The following ANKS1B variants were observed in gnomAD, a reference collection of about 807,000 sequenced individuals.
The protein encoded by ANKS1B is ankyrin repeat and sterile alpha motif domain containing 1B, also known as ankyrin repeat and sterile alpha motif domain-containing protein 1B.
In ANKS1B, 36 loss-of-function variants were observed where a neutral mutation model predicts 148.3. The observed-to-expected ratio is 0.24, with a 90% CI of 0.19 to 0.32. ANKS1B has a LOEUF of 0.32. Ranked by LOEUF, ANKS1B falls within the 10% of genes least tolerant of loss-of-function variation. ANKS1B has a pLI of 1.00. For synonymous variants in ANKS1B, 542 were observed against 560.8 expected (o/e 0.97, Z 0.47); for missense variants, 1,157 against 1,542.6 (o/e 0.75, Z 4.19).
At chr12:99,805,288 A>AAAAAAAAAAAAAAAAAAAAAAAAAAT (rs2067491542) in intron 4 of ANKS1B, among the ~76,000 whole-genome samples, 1 of 136,702 alleles carries the variant, frequency 7.3e-6, no homozygotes, top group Non-Finnish European at 1.6e-5. Flanking sequence ...AAAAAAAAAA[A>AAAAAAAAAAAAAAAAAAAAAAAAAAT]GACTAACCCT....
At chr12:99,032,543 C>T (rs991768220) in intron 17 of ANKS1B, among the ~76,000 whole-genome samples, 1 of 152,260 alleles carries the variant, frequency 6.6e-6, no homozygotes, top group Admixed American at 6.5e-5. Context: ...TATAAAAACA[C>T]TTGTTTGACT....
chr12:99,510,976 T>C (rs2096759666), intron 9 of ANKS1B, among the ~76,000 whole-genome samples: 1 of 151,926 alleles, frequency 6.6e-6, no homozygotes, highest in Non-Finnish European at 1.5e-5. Context: ...CAAACAAATA[T>C]TGTTTGACTT....
At chr12:99,912,154 T>A (rs1006960604) in intron 1 of ANKS1B, among the ~76,000 whole-genome samples, 1 of 152,172 alleles carries the variant, frequency 6.6e-6, no homozygotes, top group African/African-American at 2.4e-5. Context: ...AATGTTTGAT[T>A]TATTAAAGTG....
intron 19 of ANKS1B, among the ~76,000 whole-genome samples, chr12:98,816,506 G>A (rs534740635): frequency 2.0e-5 from 3 of 152,098 alleles, no homozygotes; most frequent in Admixed American, 6.6e-5. Context: ...ATGTTGGCCA[G>A]GTCTCGGACT....
At chr12:98,765,965 G>A (rs2098475166) in intron 25 of ANKS1B, among the ~76,000 whole-genome samples, 1 of 152,164 alleles carries the variant, frequency 6.6e-6, no homozygotes, top group Admixed American at 6.5e-5. Flanking sequence ...TGATTCTAAA[G>A]GCCACCCCCT....
At chr12:99,746,732 C>T (rs11110024) in intron 8 of ANKS1B, among the ~76,000 whole-genome samples, 66,423 of 151,842 alleles carry the variant, frequency 0.44, 14,938 homozygotes, top group South Asian at 0.61. Context: ...GTTCAGACCT[C>T]AGGAGGCAGT....
At chr12:98,917,787 G>C (rs2099796401) in intron 17 of ANKS1B, among the ~76,000 whole-genome samples, 1 of 152,214 alleles carries the variant, frequency 6.6e-6, no homozygotes, top group South Asian at 2.1e-4. Context: ...AGAATGAGGA[G>C]GAAGGGAGGC....
At chr12:99,135,002 G>A (rs978539828) in intron 15 of ANKS1B, among the ~76,000 whole-genome samples, 1 of 152,078 alleles carries the variant, frequency 6.6e-6, no homozygotes, top group Non-Finnish European at 1.5e-5. Context: ...GGGAAATAAT[G>A]CACAGCAGAA....
intron 17 of ANKS1B, among the ~76,000 whole-genome samples, chr12:98,966,649 A>C (rs991847340): frequency 6.6e-6 from 1 of 152,136 alleles, no homozygotes; most frequent in Non-Finnish European, 1.5e-5. Context: ...GGAACCAACC[A>C]AAATGTCCAA....
At position 98,992,372 on chromosome 12, in the gene ANKS1B, G is replaced by A. The variant is rs2099927131; in HGVS notation, c.2778+60785C>T. ...CTCATCTCAAATTTTAATCCCACAT[G>A]TCCAGGGAGGGACCTGTAATCCCCA... is the stretch of plus-strand genomic sequence containing the variant. On this transcript the variant is annotated intron_variant, in intron 17 of 26. Coordinates refer to ENST00000683438, the MANE Select transcript of ANKS1B (RefSeq NM_001352186.2). Among the ~76,000 whole-genome samples the A allele has an allele frequency of 2.0e-5, 3 of 152,072 alleles. No individual in the cohort carries two copies. In the South Asian group the frequency reaches 6.2e-4, roughly 32 times the overall value.
chr12:98,794,119 C>T (rs1202097830), intron 22 of ANKS1B, among the ~76,000 whole-genome samples: 2 of 152,118 alleles, frequency 1.3e-5, no homozygotes, highest in South Asian at 2.1e-4. Flanking sequence ...TGGCCAGGCG[C>T]GGTGGCTCAC....
In ANKS1B at chr12:99,190,729, A is replaced by T. The variant is rs554784947; in HGVS notation, c.2420-36334T>A. Among the ~76,000 whole-genome samples the T allele has an allele frequency of 2.0e-5, 3 of 152,278 alleles. No individual in the cohort carries two copies. In the South Asian group the frequency reaches 6.2e-4, roughly 32 times the overall value. On this transcript the variant is annotated intron_variant, in intron 14 of 26. Coordinates refer to ENST00000683438, the MANE Select transcript of ANKS1B (RefSeq NM_001352186.2). ...TAAAAACTTAAATGTAAGACCTAAA[A>T]CCATAAAAACCCTAGAAGAAAACCT...
intron 12 of ANKS1B, among the ~76,000 whole-genome samples, chr12:99,318,665 T>C (rs2084644000): frequency 6.6e-6 from 1 of 152,156 alleles, no homozygotes; most frequent in Non-Finnish European, 1.5e-5. Context: ...TATGTCTCTA[T>C]CTCCTTCAGT....
intron 10 of ANKS1B, among the ~76,000 whole-genome samples, chr12:99,472,692 G>C (rs1458945831): frequency 6.6e-6 from 1 of 152,008 alleles, no homozygotes; most frequent in African/African-American, 2.4e-5. Flanking sequence ...TTTAAAAAAG[G>C]CTTCCAGAGA....
intron 16 of ANKS1B, among the ~76,000 whole-genome samples, chr12:99,064,812 T>C (rs2043568660): frequency 6.6e-6 from 1 of 152,206 alleles, no homozygotes; most frequent in African/African-American, 2.4e-5. Context: ...ATTATTTTAT[T>C]GAATGGTTTT....
intron 2 of ANKS1B, among the ~76,000 whole-genome samples, chr12:99,824,554 A>T (rs2153682475): frequency 6.6e-6 from 1 of 151,886 alleles, no homozygotes; most frequent in South Asian, 2.1e-4. Context: ...ACTAACTTGG[A>T]TCATTCACAC....
chr12:98,785,206 A>T (rs1206927356), intron 22 of ANKS1B, among the ~76,000 whole-genome samples: 1 of 152,244 alleles, frequency 6.6e-6, no homozygotes, highest in African/African-American at 2.4e-5. Context: ...ATGGTGGCTC[A>T]TGCCTGTATT....
intron 1 of ANKS1B, among the ~76,000 whole-genome samples, chr12:99,863,500 A>C (rs1196775714): frequency 1.3e-5 from 2 of 151,322 alleles, no homozygotes; most frequent in Non-Finnish European, 3.0e-5. Context: ...TGGATCACGA[A>C]GTCAGGAGAT....
At chr12:99,816,147 T>C (rs1392177241) in intron 2 of ANKS1B, among the ~76,000 whole-genome samples, 1 of 151,726 alleles carries the variant, frequency 6.6e-6, no homozygotes, top group African/African-American at 2.4e-5. Context: ...CCAACTTCTA[T>C]TGTTTTCTTT....
Sources: gnomAD v4.1 joint callset for allele counts (sites outside exome capture counted in the v4.1 genomes callset) on GRCh38, gnomAD v4.1.1 for gene constraint, MANE v1.5 for transcripts, NCBI Gene and HGNC (gene_info 2026-07-23, HGNC 2026-07-21) for gene names.